Variants in TNIP1 observed in about 807,000 individuals in gnomAD.
The protein encoded by TNIP1 is TNFAIP3-interacting protein 1.
In TNIP1, 22 loss-of-function variants were observed where a neutral mutation model predicts 86.6. The ratio of observed to expected loss-of-function variants is 0.25; its 90% CI spans 0.18 to 0.36. The LOEUF (loss-of-function observed/expected upper bound fraction) is 0.36, where lower values mean the gene tolerates loss of function less well. Ranked by LOEUF, TNIP1 falls within the 10% of genes least tolerant of loss-of-function variation. The probability of loss-of-function intolerance (pLI) is 1.00; values close to 1 mark genes in which losing one functional copy is unlikely to be tolerated. For synonymous variants in TNIP1, 294 were observed against 313.0 expected, an observed-to-expected ratio of 0.94 and a Z score of 0.64; for missense variants, 709 against 820.6, an observed-to-expected ratio of 0.86 and a Z score of 1.66.
upstream of TNIP1, among the ~76,000 whole-genome samples, chr5:151,083,453 G>A (rs1561554003): frequency 6.6e-6 from 1 of 152,162 alleles, no homozygotes; most frequent in Non-Finnish European, 1.5e-5. Context: ...GAGCATGGCA[G>A]GAATGGGAGA....
intron 8 of TNIP1, 179 bp from the exon 9 acceptor site, chr5:151,046,129 T>C: frequency 1.7e-6 from 1 of 591,416 alleles, no homozygotes; most frequent in Non-Finnish European, 3.0e-6. Context: ...TCTAGAAGTC[T>C]ACAAGATGAT....
At chr5:151,055,497 C>T (rs1162070796) in intron 6 of TNIP1, among the ~76,000 whole-genome samples, 1 of 152,198 alleles carries the variant, frequency 6.6e-6, no homozygotes, top group Non-Finnish European at 1.5e-5. Flanking sequence ...TACCTTGAAG[C>T]CTCACTGACA....
chr5:151,056,740 C>T (rs748259754), intron 6 of TNIP1, 26 bp downstream of exon 6: 8 of 1,455,602 alleles, frequency 5.5e-6, no homozygotes, highest in African/African-American at 2.9e-5. Flanking sequence ...CTGCCTGTCT[C>T]GGGCTGCCCT....
At chr5:151,032,201 C>A (rs1012253405) in intron 17 of TNIP1, 86 bp downstream of exon 17, 2 of 1,204,984 alleles carry the variant, frequency 1.7e-6, no homozygotes, top group African/African-American at 1.5e-5. Flanking sequence ...CAGAAACTAA[C>A]GACATCACCC....
At chr5:151,031,546 A>C (rs2113195067) in intron 17 of TNIP1, among the ~76,000 whole-genome samples, 1 of 152,258 alleles carries the variant, frequency 6.6e-6, no homozygotes, top group African/African-American at 2.4e-5. Flanking sequence ...GGAGCTTTTC[A>C]AACAGAAATA....
intron 16 of TNIP1, 47 bp downstream of exon 16, chr5:151,033,561 G>T: frequency 1.6e-6 from 2 of 1,268,986 alleles, no homozygotes; most frequent in Non-Finnish European, 2.2e-6. Flanking sequence ...AGGTGTCTGG[G>T]GCAGCCTCTG....
At chr5:151,042,460 C>A in intron 11 of TNIP1, 80 bp downstream of exon 11, 1 of 1,559,030 alleles carries the variant, frequency 6.4e-7, no homozygotes, top group Non-Finnish European at 8.7e-7. Context: ...CTGACTCCTG[C>A]CCCTGGCTTG....
At chr5:151,083,217 T>C (rs895503952), upstream of TNIP1, among the ~76,000 whole-genome samples, 1 of 152,200 alleles carries the variant, frequency 6.6e-6, no homozygotes, top group Non-Finnish European at 1.5e-5. Context: ...GGCTTCTGTC[T>C]GGAAAATGGG....
upstream of TNIP1, among the ~76,000 whole-genome samples, chr5:151,081,598 C>T (rs1764033317): frequency 6.6e-6 from 1 of 152,244 alleles, no homozygotes; most frequent in Non-Finnish European, 1.5e-5. Context: ...TCCCAGACAT[C>T]GTAAACGCTT....
At chr5:151,040,528 G>C (rs370793670) in intron 11 of TNIP1, among the ~76,000 whole-genome samples, 1 of 152,094 alleles carries the variant, frequency 6.6e-6, no homozygotes, top group Non-Finnish European at 1.5e-5. Flanking sequence ...GTCATGAAAC[G>C]TCCTACCTTC....
chr5:151,072,260 G>A (rs1251403824), intron 1 of TNIP1, among the ~76,000 whole-genome samples: 2 of 152,158 alleles, frequency 1.3e-5, no homozygotes, highest in African/African-American at 2.4e-5. Context: ...TCTCCAGAAC[G>A]TGCCCCAAGT....
chr5:151,045,141 G>A (rs915164654), intron 9 of TNIP1, among the ~76,000 whole-genome samples: 4 of 152,102 alleles, frequency 2.6e-5, no homozygotes, highest in African/African-American at 9.7e-5. Context: ...GCCCAGGCTG[G>A]CACGCGGTGG....
At chr5:151,071,043 A>T (rs1403545376) in intron 1 of TNIP1, among the ~76,000 whole-genome samples, 1 of 152,106 alleles carries the variant, frequency 6.6e-6, no homozygotes, top group Non-Finnish European at 1.5e-5. Context: ...GGGGGGGCGC[A>T]GTATATGTAA....
intron 1 of TNIP1, among the ~76,000 whole-genome samples, chr5:151,077,074 A>G (rs1010113486): frequency 6.6e-6 from 1 of 152,248 alleles, no homozygotes; most frequent in African/African-American, 2.4e-5. Context: ...TATTTGGCTC[A>G]TGGTTCTGGA....
intron 5 of TNIP1, among the ~76,000 whole-genome samples, chr5:151,058,627 TCTCTGC>T (rs758193538): frequency 1.3e-5 from 2 of 152,172 alleles, no homozygotes; most frequent in Non-Finnish European, 2.9e-5. Context: ...CTCTGTGTCC[TCTCTGC>T]CTCTGCAAGT....
chr5:151,068,719 C>T (rs1481630726), intron 1 of TNIP1, among the ~76,000 whole-genome samples: 1 of 152,188 alleles, frequency 6.6e-6, no homozygotes, highest in Non-Finnish European at 1.5e-5. Flanking sequence ...ACCAGAAGAT[C>T]CCTGCTCTCC....
rs535917585 is a variant in TNIP1, at chr5:151,066,250, T to C, written c.-36-1119A>G. Among the ~76,000 whole-genome samples, 373 of 152,316 alleles carry C rather than the reference T, an allele frequency of 2.4e-3. 2 individuals carry two copies. Among genetic ancestry groups the C allele is most frequent in the South Asian group, 7.7e-3 (37 of 4,820 alleles). ...CTGAAAGAGGTGAGGGAACTAGCCATGAAGACATCTGAAGGAAGAACATTC... is the reference window on the plus strand; with the variant it reads ...CTGAAAGAGGTGAGGGAACTAGCCACGAAGACATCTGAAGGAAGAACATTC... On this transcript the variant is annotated intron_variant, in intron 1 of 17. Coordinates refer to ENST00000521591, the MANE Select transcript of TNIP1 (RefSeq NM_006058.5).
intron 1 of TNIP1, among the ~76,000 whole-genome samples, chr5:151,071,514 A>T (rs75805068): frequency 0.067 from 10,192 of 152,174 alleles, 421 homozygotes; most frequent in Middle Eastern, 0.12. Context: ...TATTAGCACT[A>T]CTTTCTTTAA....
intron 11 of TNIP1, 128 bp downstream of exon 11, chr5:151,042,412 T>G: frequency 1.6e-6 from 2 of 1,287,908 alleles, no homozygotes; most frequent in Non-Finnish European, 2.1e-6. Context: ...CCTGTGTTTT[T>G]GGTCACCTAG....
Sources: gnomAD v4.1 joint callset for allele counts (sites outside exome capture counted in the v4.1 genomes callset) on GRCh38, gnomAD v4.1.1 for gene constraint, MANE v1.5 for transcripts, NCBI Gene and HGNC (gene_info 2026-07-23, HGNC 2026-07-21) for gene names.